NPC1: variants seen among roughly 807,000 people sequenced by gnomAD.
NPC1 encodes the protein Niemann-Pick C1 protein.
In NPC1, 85 loss-of-function variants were observed where a neutral mutation model predicts 140.4. That is an observed-to-expected ratio of 0.61 (90% confidence interval 0.51 to 0.72). The LOEUF (loss-of-function observed/expected upper bound fraction) is 0.72. NPC1 is among the 30% of genes least tolerant of loss of function. NPC1 has a pLI of 0.00. For synonymous variants in NPC1, 656 were observed against 624.8 expected (o/e 1.05, Z -0.74); for missense variants, 1,504 against 1,623.8 (o/e 0.93, Z 1.27).
At chr18:23,522,359 C>T (rs1159346118) in exon 2 of NPC1, 2 of 152,190 alleles carry the variant, frequency 1.3e-5, no homozygotes, top group Admixed American at 6.5e-5. Flanking sequence ...GGGAAAAAAA[C>T]TAAACATTTA....
downstream of NPC1, among the ~76,000 whole-genome samples, chr18:23,517,697 G>A (rs1788818): frequency 3.4e-3 from 512 of 150,910 alleles, 4 homozygotes; most frequent in African/African-American, 0.012. Flanking sequence ...TTTTTTAAAC[G>A]TACTCTTCTG....
intron 8 of NPC1, among the ~76,000 whole-genome samples, chr18:23,555,556 T>A (rs2058938152): frequency 6.6e-6 from 1 of 152,244 alleles, no homozygotes; most frequent in Non-Finnish European, 1.5e-5. Context: ...CAGACTTTCT[T>A]GTAGACATGA....
chr18:23,537,177 T>TCC (rs2058644504), intron 20 of NPC1, among the ~76,000 whole-genome samples: 1 of 152,010 alleles, frequency 6.6e-6, no homozygotes, highest in African/African-American at 2.4e-5. Context: ...CAAGCAATTC[T>TCC]CCCTGCCTCA....
chr18:23,563,991 T>G (rs74423202), intron 4 of NPC1, among the ~76,000 whole-genome samples: 1 of 133,210 alleles, frequency 7.5e-6, no homozygotes, highest in African/African-American at 3.6e-5. Flanking sequence ...GTAAGAGTTT[T>G]TTTTTTTTTT....
chr18:23,547,894 G>GT lies in NPC1; in HGVS notation c.1757+111dup, dbSNP rs1170169108. On this transcript the variant is annotated intron_variant, in intron 11 of 24. Coordinates refer to ENST00000269228, the MANE Select transcript of NPC1 (RefSeq NM_000271.5). ...ATTAGTACCAAGTGAACAAAACTACGTAACTCAGATCTGCCATTGGTTAAT... is the reference window on the plus strand; with the variant it reads ...ATTAGTACCAAGTGAACAAAACTACGTTAACTCAGATCTGCCATTGGTTAAT... 32 of 789,582 alleles carry GT rather than the reference G, an allele frequency of 4.1e-5. No individual in the cohort carries two copies. The Admixed American group carries it at 4.2e-4, about 10-fold the overall frequency. The allele number at this position is 789,582 out of a possible 1,614,324, so 48.9% of individuals were successfully genotyped here. A position where few individuals can be genotyped will look rare whatever the true frequency, so the allele number is the denominator to read the frequency against.
downstream of NPC1, chr18:23,529,164 GT>G (rs748155130): frequency 1.2e-6 from 2 of 1,606,336 alleles, no homozygotes; most frequent in Non-Finnish European, 8.5e-7. Context: ...ATAGTTTGTG[GT>G]TTTTTTCTTT....
Position 23,565,932 on chromosome 18 carries a change from T to C in NPC1, c.463+2891A>G, listed in dbSNP as rs551399318. Among the ~76,000 whole-genome samples the C allele has an allele frequency of 1.2e-3, 179 of 152,356 alleles. 3 individuals carry two copies. Among genetic ancestry groups the C allele is most frequent in the South Asian group, 8.1e-3 (39 of 4,834 alleles). On this transcript the variant is annotated intron_variant, in intron 4 of 24. Coordinates refer to ENST00000269228, the MANE Select transcript of NPC1 (RefSeq NM_000271.5). ...CTTTAATGATTTATAGGTCTTTGTA[T>C]CTGTATGCTGTTTTCTGAGTAATTC...
At position 23,533,580 on chromosome 18, in the gene NPC1, TC is replaced by T. The variant is rs1434576596; in HGVS notation, c.3592-64del. ...CAACCTGTAATTGAACAAAAACACT[TC>T]CTTACAAGGATTTCTCCCAGGTTCA... On this transcript the variant is annotated intron_variant, in intron 23 of 24. Coordinates refer to ENST00000269228, the MANE Select transcript of NPC1 (RefSeq NM_000271.5). The T allele has an allele frequency of 2.1e-5, 32 of 1,489,354 alleles. No homozygotes were observed. In the South Asian group the frequency reaches 2.4e-4, roughly 11 times the overall value. 92.3% of individuals were successfully genotyped at this position (1,489,354 alleles called of 1,614,324 possible). A position where few individuals can be genotyped will look rare whatever the true frequency, so the allele number is the denominator to read the frequency against.
intron 11 of NPC1, among the ~76,000 whole-genome samples, chr18:23,547,646 G>A (rs190720597): frequency 5.9e-5 from 9 of 152,246 alleles, no homozygotes; most frequent in African/African-American, 2.2e-4. Flanking sequence ...GGAGGCTGAG[G>A]TGGGAGGATC....
In NPC1 at chr18:23,561,451, G is replaced by C. The variant is rs143656971; in HGVS notation, c.540C>G (p.Asp180Glu). 1.9e-6 allele frequency: 3 copies of C among 1,614,120 alleles called. No individual in the cohort carries two copies. ...DKALGLLCGK[D>E]ADACNATNWI... ...AGTTGGTGGCATTACAGGCGTCAGC[G>C]TCCTTCCCACACAGGAGTCCCAGGG... The change falls in exon 5 of 25, where the codon GAC (aspartate) becomes GAG (glutamate). Residue 180 changes from aspartate to glutamate, a missense_variant. By Grantham distance (45) the Asp-to-Glu change is conservative. Transcript: ENST00000269228.
intron 1 of NPC1, among the ~76,000 whole-genome samples, chr18:23,523,915 C>A (rs756387332): frequency 6.6e-6 from 1 of 152,152 alleles, no homozygotes; most frequent in Non-Finnish European, 1.5e-5. Context: ...GACATGCTTT[C>A]TTTTTCTTGG....
downstream of NPC1, chr18:23,527,943 C>G: frequency 2.1e-6 from 3 of 1,455,248 alleles, no homozygotes; most frequent in Non-Finnish European, 2.8e-6. Flanking sequence ...CCTCCCCCAC[C>G]CCCTCCCGGG....
rs546970622 is a variant in NPC1, at chr18:23,538,950, GC to G, written c.2912-280del. The G allele has an allele frequency of 4.0e-4, 196 of 484,486 alleles. 1 individual carries two copies. The highest frequency in any genetic ancestry group is 3.5e-3 in the African/African-American group (181 of 51,494). 30.0% of individuals were successfully genotyped at this position (484,486 alleles called of 1,614,324 possible). A position where few individuals can be genotyped will look rare whatever the true frequency, so the allele number is the denominator to read the frequency against. ...TCAAGTATGGCCTTGACTGGTCAGA[GC>G]CCGGGGCTTCTATGTTTTTATTAAG... On this transcript the variant is annotated intron_variant, in intron 19 of 24. Transcript: ENST00000269228.
Position 23,572,155 on chromosome 18 carries a change from C to T in NPC1, c.206G>A (p.Gly69Asp), listed in dbSNP as rs1360920773. ...AACATCACAACAGAGACTGACATTG[C>T]CAAAGAAGAATCCTGGACAGAGTTC... is the stretch of plus-strand genomic sequence containing the variant. ...VQELCPGFFFGNVSLCCDVRQ... is the reference protein window; with the variant it reads ...VQELCPGFFFDNVSLCCDVRQ... The change falls in exon 3 of 25, where the codon GGC becomes GAC. Residue 69 changes from glycine (G) to aspartate (D), a missense_variant. Physicochemically the swap from Gly to Asp is moderately conservative, Grantham distance 94. Coordinates refer to ENST00000269228, the MANE Select transcript of NPC1 (RefSeq NM_000271.5). The T allele has an allele frequency of 1.2e-6, 2 of 1,612,984 alleles. No homozygotes were observed. The highest frequency in any genetic ancestry group is 2.7e-5 in the African/African-American group (2 of 74,842).
chr18:23,554,984 C>T lies in NPC1; in HGVS notation c.1327G>A (p.Val443Ile). The T allele has an allele frequency of 6.2e-7, 1 of 1,601,804 alleles. No homozygotes were observed. Among genetic ancestry groups the T allele is most frequent in the Non-Finnish European group, 8.6e-7 (1 of 1,168,828 alleles). The change falls in exon 9 of 25, where the codon GTT (valine) becomes ATT (isoleucine). Residue 443 changes from valine to isoleucine, a missense_variant and splice_region_variant. Val to Ile is a conservative substitution (Grantham distance 29). Transcript: ENST00000269228. ...TCGATGGCTATTTGTAAGTCAAGAA[C>T]CTGAAAGAAGATTTTAAAAATAAGC... ...PPLDIQILHQ[V>I]LDLQIAIENI...
chr18:23,559,941 A>G (rs2059013554), intron 6 of NPC1, among the ~76,000 whole-genome samples: 1 of 151,932 alleles, frequency 6.6e-6, no homozygotes, highest in African/African-American at 2.4e-5. Context: ...CTGGGCGACA[A>G]GAGTGAGACT....
At position 23,573,452 on chromosome 18, in the gene NPC1, C is replaced by T; in HGVS notation, c.180G>A (p.Gln60=). Residue 60 remains glutamine, a splice_region_variant and synonymous_variant, in exon 2 of 25, where the codon CAG becomes CAA. Transcript: ENST00000269228. The part of the protein sequence containing the change: ...PLPKDGYDLV[Q]ELCPGFFFGN... ...CCAGTGCCTAAGATAATGAACTTAC[C>T]TGCACTAAGTCATATCCATCCTTTG... The T allele has an allele frequency of 6.2e-7, 1 of 1,614,102 alleles. No individual in the cohort carries two copies. The highest frequency in any genetic ancestry group is 2.2e-5 in the East Asian group (1 of 44,868).
downstream of NPC1, chr18:23,530,743 C>A: frequency 1.3e-6 from 1 of 772,926 alleles, no homozygotes; most frequent in South Asian, 1.9e-5. Context: ...GCCCACCTAG[C>A]CCTTGGCCCA....
At chr18:23,519,789 A>G (rs759956267), downstream of NPC1, among the ~76,000 whole-genome samples, 2 of 152,082 alleles carry the variant, frequency 1.3e-5, no homozygotes, top group Non-Finnish European at 2.9e-5. Context: ...GCTGGGGGAT[A>G]ATGGTTTTGA....
Sources: allele counts gnomAD v4.1 joint callset (sites outside exome capture counted in the v4.1 genomes callset), GRCh38; gene constraint gnomAD v4.1.1; transcripts MANE v1.5; gene names NCBI Gene and HGNC (gene_info 2026-07-23, HGNC 2026-07-21).